Variants in NRXN1 observed in about 807,000 individuals in gnomAD.
NRXN1 encodes neurexin 1, also known as neurexin-1.
A neutral mutation model predicts 150.9 loss-of-function variants in NRXN1; 39 were observed. The observed-to-expected ratio is 0.26, with a 90% confidence interval of 0.20 to 0.34. The LOEUF is 0.34. Ranked by LOEUF, NRXN1 falls within the 10% of genes least tolerant of loss-of-function variation. The pLI, the probability that NRXN1 is intolerant of heterozygous loss-of-function variation, is 1.00. For missense variants in NRXN1, 1,815 were observed against 1,949.9 expected, an observed-to-expected ratio of 0.93 and a Z score of 1.30; for synonymous variants, 924 against 757.0, an observed-to-expected ratio of 1.22 and a Z score of -3.62.
intron 21 of NRXN1, among the ~76,000 whole-genome samples, chr2:50,015,498 A>G (rs1242445353): frequency 6.7e-6 from 1 of 149,124 alleles, no homozygotes; most frequent in Non-Finnish European, 1.5e-5. Context: ...GGCTAGAAAA[A>G]TAAACAGGGA....
At chr2:50,800,707 G>GC (rs1707471909) in intron 5 of NRXN1, among the ~76,000 whole-genome samples, 1 of 151,968 alleles carries the variant, frequency 6.6e-6, no homozygotes, top group South Asian at 2.1e-4. Context: ...GCACCACCAC[G>GC]CCTAGCTAAT....
At chr2:50,380,259 C>CTGAGAAAT (rs1558632679) in intron 17 of NRXN1, among the ~76,000 whole-genome samples, 2 of 150,756 alleles carry the variant, frequency 1.3e-5, no homozygotes, top group African/African-American at 4.9e-5. Context: ...TACCACATTG[C>CTGAGAAAT]TGAGAAATGA....
rs567044436 is a variant in NRXN1 at position 50,479,210 on chromosome 2, C to T, written c.3071-6739G>A. Among the ~76,000 whole-genome samples, 7 of 152,312 alleles carry T rather than the reference C, an allele frequency of 4.6e-5. No homozygotes were observed. The East Asian group carries it at 1.2e-3, about 25-fold the overall frequency. Reference sequence around the variant, plus strand: ...TAATATCTATCTTCGCCCCACAGTCCGACCTTTAGTCAAACTTTGTTGGCA... The same window carrying T: ...TAATATCTATCTTCGCCCCACAGTCTGACCTTTAGTCAAACTTTGTTGGCA... On this transcript the variant is annotated intron_variant, in intron 15 of 22. Transcript: ENST00000401669.
intron 18 of NRXN1, among the ~76,000 whole-genome samples, chr2:50,132,469 C>T (rs180780357): frequency 5.3e-5 from 8 of 152,116 alleles, no homozygotes; most frequent in African/African-American, 1.2e-4. Flanking sequence ...CCACACCTGG[C>T]TAATTTTTTA....
intron 2 of NRXN1, among the ~76,000 whole-genome samples, chr2:50,967,904 A>G (rs554982728): frequency 1.3e-5 from 2 of 152,094 alleles, no homozygotes; most frequent in African/African-American, 2.4e-5. Flanking sequence ...TGTAAAAATA[A>G]ACTTAGCATG....
chr2:50,175,998 C>T (rs1399787055), intron 18 of NRXN1, among the ~76,000 whole-genome samples: 1 of 152,148 alleles, frequency 6.6e-6, no homozygotes, highest in Non-Finnish European at 1.5e-5. Flanking sequence ...CAAGCACTTA[C>T]TGAATCCCTA....
intron 5 of NRXN1, among the ~76,000 whole-genome samples, chr2:50,696,832 G>C (rs1012986873): frequency 6.6e-6 from 1 of 152,158 alleles, no homozygotes; most frequent in African/African-American, 2.4e-5. Flanking sequence ...TCATTTTGGA[G>C]ACCAAGAGTA....
chr2:49,953,149 C>T (rs926972743), intron 21 of NRXN1, among the ~76,000 whole-genome samples: 6 of 152,040 alleles, frequency 3.9e-5, no homozygotes, highest in Non-Finnish European at 5.9e-5. Context: ...CCATTCCACA[C>T]GATGCTTGGA....
intron 16 of NRXN1, among the ~76,000 whole-genome samples, chr2:50,470,526 T>A (rs961726154): frequency 6.6e-6 from 1 of 151,858 alleles, no homozygotes; most frequent in African/African-American, 2.4e-5. Flanking sequence ...AAAAATGTAT[T>A]TTCAAATATA....
intron 17 of NRXN1, among the ~76,000 whole-genome samples, chr2:50,314,098 A>C (rs1459425043): frequency 6.6e-6 from 1 of 152,140 alleles, no homozygotes; most frequent in East Asian, 1.9e-4. Flanking sequence ...TGAGAGCTTC[A>C]GAATAGGTAG....
chr2:50,566,437 T>A (rs1477053972), intron 8 of NRXN1, among the ~76,000 whole-genome samples: 1 of 145,586 alleles, frequency 6.9e-6, no homozygotes, highest in Admixed American at 7.1e-5. Context: ...GTATTTTTAA[T>A]AGATACAGGG....
At chr2:50,015,431 G>A (rs868427252) in intron 21 of NRXN1, among the ~76,000 whole-genome samples, 8 of 148,672 alleles carry the variant, frequency 5.4e-5, no homozygotes, top group African/African-American at 2.0e-4. Flanking sequence ...GGCTGGAGTA[G>A]GGAGGAAGAA....
At chr2:50,783,931 A>G (rs1704711475) in intron 5 of NRXN1, among the ~76,000 whole-genome samples, 1 of 152,116 alleles carries the variant, frequency 6.6e-6, no homozygotes. Context: ...CTAGCCTCAT[A>G]TTTAAAGAAT....
Position 50,972,109 on chromosome 2 carries a change from G to C in NRXN1, c.773-46154C>G, listed in dbSNP as rs1168952924. Among the ~76,000 whole-genome samples the C allele has an allele frequency of 2.0e-5, 3 of 151,578 alleles. No homozygotes were observed. In the East Asian group the frequency reaches 5.8e-4, roughly 29 times the overall value. ...TCACAAAAAAAAAAAATTATTTGCT[G>C]TGAAACAAAGAATTCTTATTAGGAA... is the stretch of plus-strand genomic sequence containing the variant. On this transcript the variant is annotated intron_variant, in intron 2 of 22. Transcript: ENST00000401669.
chr2:49,946,503 T>A (rs1305402029), intron 21 of NRXN1, among the ~76,000 whole-genome samples: 1 of 152,202 alleles, frequency 6.6e-6, no homozygotes, highest in East Asian at 1.9e-4. Context: ...TCTAGGGTTT[T>A]TTATGGTTTT....
chr2:51,002,726 T>G (rs1700229397), intron 2 of NRXN1, among the ~76,000 whole-genome samples: 1 of 151,868 alleles, frequency 6.6e-6, no homozygotes, highest in East Asian at 1.9e-4. Context: ...ATTTTTGAAG[T>G]GTTATTTTCT....
At position 51,016,064 on chromosome 2, in the gene NRXN1, T is replaced by C. The variant is rs555082973; in HGVS notation, c.772+11438A>G. On this transcript the variant is annotated intron_variant, in intron 2 of 22. Coordinates refer to ENST00000401669, the MANE Select transcript of NRXN1 (RefSeq NM_001330078.2). ...AACAGAACAGAGACCTCAGAAATAA[T>C]GCCACACATCTACAACCATCTGATC... Among the ~76,000 whole-genome samples the C allele has an allele frequency of 8.6e-5, 13 of 151,984 alleles. No homozygotes were observed. The South Asian group carries it at 2.7e-3, about 32-fold the overall frequency.
At chr2:50,728,838 A>T (rs190499642) in intron 5 of NRXN1, among the ~76,000 whole-genome samples, 2 of 152,306 alleles carry the variant, frequency 1.3e-5, no homozygotes, top group African/African-American at 4.8e-5. Context: ...ATGTTTTAGA[A>T]AAGTCATCTC....
intron 5 of NRXN1, among the ~76,000 whole-genome samples, chr2:50,763,446 A>C (rs1702042117): frequency 1.3e-5 from 2 of 152,020 alleles, no homozygotes; most frequent in South Asian, 4.1e-4. Flanking sequence ...ATACAGCTTA[A>C]TTAATGCCTA....
Sources: gnomAD v4.1 joint callset for allele counts (sites outside exome capture counted in the v4.1 genomes callset) on GRCh38, gnomAD v4.1.1 for gene constraint, MANE v1.5 for transcripts, NCBI Gene and HGNC (gene_info 2026-07-23, HGNC 2026-07-21) for gene names.